DHX9: variants seen among roughly 807,000 people sequenced by gnomAD.
DHX9 encodes the protein DExH-box helicase 9.
Under a neutral mutation model 148.7 loss-of-function variants are expected in DHX9, and 27 were observed. That is an observed-to-expected ratio of 0.18 (90% CI 0.13 to 0.25). The LOEUF (loss-of-function observed/expected upper bound fraction) is 0.25, where lower values mean the gene tolerates loss of function less well. Ranked by LOEUF, DHX9 falls within the 10% of genes least tolerant of loss-of-function variation. The pLI is 1.00. For missense variants in DHX9, 796 were observed against 1,559.6 expected (o/e 0.51, Z 8.25); for synonymous variants, 529 against 516.6 (o/e 1.02, Z -0.33).
chr1:182,860,945 A>C (rs1159553638), intron 12 of DHX9, among the ~76,000 whole-genome samples: 1 of 152,236 alleles, frequency 6.6e-6, no homozygotes, highest in African/African-American at 2.4e-5. Context: ...GTAGGCTTAC[A>C]TCTTGACTTA....
At chr1:182,853,731 T>G (rs1349373484) in intron 5 of DHX9, among the ~76,000 whole-genome samples, 1 of 152,152 alleles carries the variant, frequency 6.6e-6, no homozygotes, top group African/African-American at 2.4e-5. Flanking sequence ...AAAAAAGTCT[T>G]TAGTATAGCT....
intron 27 of DHX9, among the ~76,000 whole-genome samples, chr1:182,885,256 A>G (rs1045600800): frequency 1.3e-5 from 2 of 152,156 alleles, no homozygotes; most frequent in Non-Finnish European, 2.9e-5. Flanking sequence ...AGAAATGAGA[A>G]ATTTATCTTA....
intron 14 of DHX9, 150 bp from the exon 15 acceptor site, chr1:182,872,187 G>A: frequency 1.6e-6 from 1 of 608,730 alleles, no homozygotes; most frequent in Non-Finnish European, 2.8e-6. Context: ...ATTGATAAAA[G>A]ATCCATTGTG....
Position 182,843,449 on chromosome 1 carries a change from C to A in DHX9, c.252+15C>A. The A allele has an allele frequency of 6.4e-7, 1 of 1,567,570 alleles. No individual in the cohort carries two copies. The highest frequency in any genetic ancestry group is 1.2e-5 in the South Asian group (1 of 83,490). On this transcript the variant is annotated intron_variant, in intron 3 of 27. Transcript: ENST00000367549. ...CAGCTTTTGGGGTAAGTACCTATGGCGAAGCACTTGAGATGTATGTTGTAA... is the reference window on the plus strand; with the variant it reads ...CAGCTTTTGGGGTAAGTACCTATGGAGAAGCACTTGAGATGTATGTTGTAA...
intron 12 of DHX9, among the ~76,000 whole-genome samples, chr1:182,862,904 C>T (rs1668388482): frequency 1.3e-5 from 2 of 152,118 alleles, no homozygotes; most frequent in Non-Finnish European, 2.9e-5. Flanking sequence ...CTGCTTAGTA[C>T]ATATTATTAG....
intron 3 of DHX9, among the ~76,000 whole-genome samples, chr1:182,847,774 C>T (rs74673137): frequency 0.06 from 9,088 of 152,208 alleles, 378 homozygotes; most frequent in African/African-American, 0.12. Context: ...CTTGATACTC[C>T]GTGCTTCCCC....
chr1:182,867,287 A>G (rs1449544605), intron 14 of DHX9, among the ~76,000 whole-genome samples: 2 of 152,230 alleles, frequency 1.3e-5, no homozygotes, highest in Admixed American at 1.3e-4. Flanking sequence ...TGCAGTAATC[A>G]GTATTAGCTG....
At chr1:182,846,892 C>T (rs770861895) in intron 3 of DHX9, among the ~76,000 whole-genome samples, 28 of 151,376 alleles carry the variant, frequency 1.8e-4, no homozygotes, top group Non-Finnish European at 3.2e-4. Flanking sequence ...CCCTGAGGCT[C>T]TCTTTTTTTT....
At chr1:182,885,144 G>T (rs1485580760) in intron 27 of DHX9, among the ~76,000 whole-genome samples, 2 of 152,014 alleles carry the variant, frequency 1.3e-5, no homozygotes, top group Non-Finnish European at 2.9e-5. Context: ...GTACTGTTTT[G>T]GCATCTCTAA....
At chr1:182,886,538 A>C (rs1178828567) in intron 27 of DHX9, among the ~76,000 whole-genome samples, 1 of 152,162 alleles carries the variant, frequency 6.6e-6, no homozygotes, top group African/African-American at 2.4e-5. Flanking sequence ...TGGTGGTGTT[A>C]TTCTCGAAGA....
At chr1:182,857,356 TTC>T (rs1456758210) in intron 7 of DHX9, among the ~76,000 whole-genome samples, 3 of 152,186 alleles carry the variant, frequency 2.0e-5, no homozygotes, top group Non-Finnish European at 2.9e-5. Context: ...AGAGGAAACT[TTC>T]TGTTAATATT....
chr1:182,847,984 A>G lies in DHX9; in HGVS notation c.253-4249A>G, dbSNP rs374691037. Among the ~76,000 whole-genome samples, 13 of 152,300 alleles carry G rather than the reference A, an allele frequency of 8.5e-5. No homozygotes were observed. The East Asian group carries it at 2.1e-3, about 25-fold the overall frequency. On this transcript the variant is annotated intron_variant, in intron 3 of 27. Coordinates refer to ENST00000367549, the MANE Select transcript of DHX9 (RefSeq NM_001357.5). The stretch of plus-strand genomic sequence containing the variant: ...GTGATTTTTTTATTATTGTTTTAAC[A>G]TGGCTCAGGTGTTTCCTATTAAATG...
intron 4 of DHX9, among the ~76,000 whole-genome samples, chr1:182,852,863 T>G (rs1668179865): frequency 6.6e-6 from 1 of 151,994 alleles, no homozygotes; most frequent in Non-Finnish European, 1.5e-5. Context: ...TATGGTAGAT[T>G]AGGATTTGGG....
At chr1:182,852,826 T>G (rs1668179057) in intron 4 of DHX9, among the ~76,000 whole-genome samples, 1 of 152,172 alleles carries the variant, frequency 6.6e-6, no homozygotes, top group Non-Finnish European at 1.5e-5. Flanking sequence ...TACTGTATAG[T>G]CACAGCTTTT....
intron 22 of DHX9, among the ~76,000 whole-genome samples, chr1:182,880,819 G>T (rs1315605563): frequency 8.5e-5 from 13 of 152,108 alleles, no homozygotes; most frequent in Admixed American, 8.5e-4. Flanking sequence ...TGGGGAAAAG[G>T]GCACTGATTT....
chr1:182,844,531 G>A (rs1557962720), intron 3 of DHX9, among the ~76,000 whole-genome samples: 1 of 151,594 alleles, frequency 6.6e-6, no homozygotes, highest in Non-Finnish European at 1.5e-5. Flanking sequence ...AAGAAATAAG[G>A]TTTTTTTTGT....
At chr1:182,856,430 TGA>T (rs1344185190) in intron 6 of DHX9, 100 bp from the exon 7 acceptor site, 9 of 906,826 alleles carry the variant, frequency 9.9e-6, no homozygotes, top group Admixed American at 2.3e-5. Context: ...TTTTTTTCTG[TGA>T]TTTGCCTAAG....
intron 14 of DHX9, among the ~76,000 whole-genome samples, chr1:182,868,012 C>A (rs1648379390): frequency 6.6e-6 from 1 of 152,048 alleles, no homozygotes; most frequent in Non-Finnish European, 1.5e-5. Flanking sequence ...TCTCCCATCC[C>A]CCATCCTGAA....
At chr1:182,847,841 A>G (rs1439425484) in intron 3 of DHX9, among the ~76,000 whole-genome samples, 1 of 152,088 alleles carries the variant, frequency 6.6e-6, no homozygotes, top group African/African-American at 2.4e-5. Context: ...TATTGCCTGC[A>G]TATAGTTCTG....
Sources: allele counts gnomAD v4.1 joint callset (sites outside exome capture counted in the v4.1 genomes callset), GRCh38; gene constraint gnomAD v4.1.1; transcripts MANE v1.5; gene names NCBI Gene and HGNC (gene_info 2026-07-23, HGNC 2026-07-21).